Variants in ZNF462 observed in about 807,000 individuals in gnomAD.
ZNF462 encodes the protein zinc finger PBX1-interacting protein.
In ZNF462, 10 loss-of-function variants were observed where a neutral mutation model predicts 201.9. That is an observed-to-expected ratio of 0.05 (90% CI 0.03 to 0.08). The LOEUF is 0.08. ZNF462 is among the 10% of genes least tolerant of loss of function. The pLI, the probability that ZNF462 is intolerant of heterozygous loss-of-function variation, is 1.00. For missense variants in ZNF462, 2,523 were observed against 3,168.3 expected (o/e 0.80, Z 4.89); for synonymous variants, 1,227 against 1,193.3 (o/e 1.03, Z -0.58).
At chr9:106,911,407 G>A (rs1173790053) in intron 1 of ZNF462, among the ~76,000 whole-genome samples, 1 of 152,156 alleles carries the variant, frequency 6.6e-6, no homozygotes, top group Non-Finnish European at 1.5e-5. Flanking sequence ...CTCAGGGACT[G>A]TTTCATACAG....
At position 106,926,525 on chromosome 9, in the gene ZNF462, C is replaced by T; in HGVS notation, c.2613C>T (p.Phe871=). 2.5e-6 allele frequency: 4 copies of T among 1,614,126 alleles called. No homozygotes were observed. Among genetic ancestry groups the T allele is most frequent in the Non-Finnish European group, 3.4e-6 (4 of 1,180,034 alleles). The change falls in exon 3 of 13, where the codon TTC becomes TTT. Residue 871 remains phenylalanine, a synonymous_variant. Coordinates refer to ENST00000277225, the MANE Select transcript of ZNF462 (RefSeq NM_021224.6). This position sits in a 1 kb window ranked among gnomAD's most constrained non-coding sequence, Gnocchi z 7.9. ...HYQRMHPYIK[F]SFRYILDPND... ...AACGAATGCACCCATACATTAAATT[C>T]AGCTTTAGGTACATCTTGGACCCCA...
intron 1 of ZNF462, among the ~76,000 whole-genome samples, chr9:106,897,474 A>C (rs1265362833): frequency 6.6e-6 from 1 of 152,084 alleles, no homozygotes; most frequent in Non-Finnish European, 1.5e-5. Flanking sequence ...TCGATCTTTG[A>C]AGACTTACTT....
chr9:106,954,683 C>T lies in ZNF462; in HGVS notation c.6427+15576C>T, dbSNP rs796366159. On this transcript the variant is annotated intron_variant, in intron 7 of 12. Coordinates refer to ENST00000277225, the MANE Select transcript of ZNF462 (RefSeq NM_021224.6). This position sits in a 1 kb window ranked among gnomAD's most constrained non-coding sequence, Gnocchi z 4.0. ...CCCCTTTCCTTCATCTCCACATGCC[C>T]AGGTACTACCTGTCTTTCAAAGCCA... Among the ~76,000 whole-genome samples, 19 of 152,174 alleles carry T rather than the reference C, an allele frequency of 1.2e-4. 1 individual carries two copies. The highest frequency in any genetic ancestry group is 4.6e-4 in the African/African-American group (19 of 41,508).
intron 9 of ZNF462, among the ~76,000 whole-genome samples, chr9:106,979,737 A>G (rs1055322303): frequency 2.0e-5 from 3 of 147,264 alleles, no homozygotes; most frequent in Non-Finnish European, 4.4e-5. Flanking sequence ...TGGAAGCACA[A>G]TGTTTCATGC....
In ZNF462 at chr9:107,005,660, T is replaced by C. The variant is rs1829491731; in HGVS notation, c.7189+2234T>C. Among the ~76,000 whole-genome samples the C allele has an allele frequency of 6.6e-6, 1 of 152,216 alleles. No homozygotes were observed. The highest frequency in any genetic ancestry group is 2.4e-5 in the African/African-American group (1 of 41,466). On this transcript the variant is annotated intron_variant, in intron 11 of 12. Coordinates refer to ENST00000277225, the MANE Select transcript of ZNF462 (RefSeq NM_021224.6). The surrounding 1 kb of genome is among the most constrained non-coding windows in gnomAD (Gnocchi z 4.4). ...TCTATTACTGTGTTGATTGTTTCCT[T>C]GGCTGTGCAGAAGCTGTTTAGTTTG...
chr9:106,916,012 A>T (rs1033967265), intron 1 of ZNF462, among the ~76,000 whole-genome samples: 6 of 152,218 alleles, frequency 3.9e-5, no homozygotes, highest in Admixed American at 1.3e-4. Context: ...TGAGCAAATG[A>T]TGAGCATACA....
At chr9:106,901,804 G>A (rs1349792680) in intron 1 of ZNF462, among the ~76,000 whole-genome samples, 4 of 152,124 alleles carry the variant, frequency 2.6e-5, no homozygotes, top group African/African-American at 9.7e-5. Context: ...ATCAGTTCTA[G>A]GAGATTTCTG....
intron 1 of ZNF462, among the ~76,000 whole-genome samples, chr9:106,908,902 C>CGTATATACATAT (rs1564090567): frequency 1.5e-3 from 116 of 77,200 alleles, no homozygotes; most frequent in African/African-American, 7.1e-3. Context: ...AATATTTGCC[C>CGTATATACATAT]ATATATACAT....
chr9:107,008,553 C>T lies in ZNF462; in HGVS notation c.7190-992C>T, dbSNP rs116387332. ...TGTGCGATGCCCTCACTTTGCAACA[C>T]GGCTGCAGAACTGGCAAGGTCCTGC... On this transcript the variant is annotated intron_variant, in intron 11 of 12. Transcript: ENST00000277225. This position sits in a 1 kb window ranked among gnomAD's most constrained non-coding sequence, Gnocchi z 4.8. 4.2e-3 allele frequency among the ~76,000 whole-genome samples: 632 copies of T among 152,238 alleles called. 4 individuals are homozygous for T. Among genetic ancestry groups the T allele is most frequent in the African/African-American group, 0.014 (595 of 41,536 alleles).
chr9:106,926,607 G>C lies in ZNF462; in HGVS notation c.2695G>C (p.Glu899Gln), dbSNP rs762772920. The C allele has an allele frequency of 7.4e-6, 12 of 1,613,894 alleles. No homozygotes were observed. In the South Asian group the frequency reaches 1.3e-4, roughly 18 times the overall value. ...LECYIDYTNFEDLQQHYGEHH... is the reference protein window; with the variant it reads ...LECYIDYTNFQDLQQHYGEHH... ...ATGCTACATCGATTACACCAACTTC[G>C]AAGATCTCCAGCAGCATTATGGCGA... The change falls in exon 3 of 13, where the codon GAA becomes CAA. Residue 899 changes from glutamate to glutamine, a missense_variant. Glu to Gln is a conservative substitution (Grantham distance 29). Transcript: ENST00000277225. The surrounding 1 kb of genome is among the most constrained non-coding windows in gnomAD (Gnocchi z 7.9).
chr9:106,904,554 C>T (rs912836829), intron 1 of ZNF462, among the ~76,000 whole-genome samples: 12 of 152,192 alleles, frequency 7.9e-5, no homozygotes, highest in African/African-American at 2.9e-4. Flanking sequence ...TCTTCTTCCT[C>T]AGGTACACTG....
At chr9:106,931,031 G>A (rs907924152) in intron 4 of ZNF462, 13 of 229,720 alleles carry the variant, frequency 5.7e-5, no homozygotes, top group African/African-American at 2.9e-4. Flanking sequence ...CTCTTGAGAG[G>A]AATCAAGTGG....
chr9:106,917,319 C>T lies in ZNF462; in HGVS notation c.-30-6035C>T, dbSNP rs773083435. Among the ~76,000 whole-genome samples, 1 of 152,098 alleles carries T rather than the reference C, an allele frequency of 6.6e-6. No homozygotes were observed. The highest frequency in any genetic ancestry group is 2.1e-4 in the South Asian group (1 of 4,826). Reference sequence around the variant, plus strand: ...TACTTGAAAACTTTATGCAGGAGAGCGATCCTAAAATAAAAAGTAACCTGA... The same window carrying T: ...TACTTGAAAACTTTATGCAGGAGAGTGATCCTAAAATAAAAAGTAACCTGA... On this transcript the variant is annotated intron_variant, in intron 1 of 12. Coordinates refer to ENST00000277225, the MANE Select transcript of ZNF462 (RefSeq NM_021224.6). The surrounding 1 kb of genome is among the most constrained non-coding windows in gnomAD (Gnocchi z 4.5).
Position 106,923,565 on chromosome 9 carries a change from C to T in ZNF462, c.182C>T (p.Ser61Phe), listed in dbSNP as rs921288829. ...AATCAGACAGAGGTGGAGTTTTCTT[C>T]TATAAAGGATGAATTTGCCATTGCA... is the stretch of plus-strand genomic sequence containing the variant. ...ASNQTEVEFS[S>F]IKDEFAIAED... Residue 61 changes from serine (S) to phenylalanine (F), a missense_variant, in exon 2 of 13, where the codon TCT becomes TTT. By Grantham distance (155) the Ser-to-Phe change is radical. Transcript: ENST00000277225. This position sits in a 1 kb window ranked among gnomAD's most constrained non-coding sequence, Gnocchi z 5.6. The T allele has an allele frequency of 1.9e-6, 3 of 1,614,070 alleles. No homozygotes were observed. The highest frequency in any genetic ancestry group is 2.7e-5 in the African/African-American group (2 of 74,916).
intron 1 of ZNF462, among the ~76,000 whole-genome samples, chr9:106,903,495 T>C (rs1303624400): frequency 1.3e-5 from 2 of 152,200 alleles, no homozygotes; most frequent in African/African-American, 4.8e-5. Context: ...ACTTCCTATC[T>C]TGATGACCTG....
chr9:106,877,296 ATTTTTT>A (rs397893311), intron 1 of ZNF462, among the ~76,000 whole-genome samples: 4 of 91,216 alleles, frequency 4.4e-5, no homozygotes, highest in South Asian at 7.8e-4. Flanking sequence ...ACTACTCATG[ATTTTTT>A]TTTTTTTTTT....
chr9:106,928,575 T>C lies in ZNF462; in HGVS notation c.4663T>C (p.Ser1555Pro), dbSNP rs748559993. The change falls in exon 3 of 13, where the codon TCT (serine) becomes CCT (proline). Residue 1555 changes from serine (S) to proline (P), a missense_variant. This residue lies in a region of ZNF462 where 200 missense variants were observed against 281.3 expected (regional missense o/e 0.71). Coordinates refer to ENST00000277225, the MANE Select transcript of ZNF462 (RefSeq NM_021224.6). This position sits in a 1 kb window ranked among gnomAD's most constrained non-coding sequence, Gnocchi z 9.3. ...GGACTTTGTGCACGACGTAGAGCAG[T>C]CTGCTGACATATCCCAGAATGACGT... ...AEDFVHDVEQ[S>P]ADISQNDVEE... The C allele has an allele frequency of 6.2e-7, 1 of 1,614,070 alleles. No individual in the cohort carries two copies. Among genetic ancestry groups the C allele is most frequent in the Admixed American group, 1.7e-5 (1 of 60,006 alleles).
intron 9 of ZNF462, among the ~76,000 whole-genome samples, chr9:106,976,867 A>T (rs1274749496): frequency 6.6e-6 from 1 of 152,194 alleles, no homozygotes; most frequent in East Asian, 1.9e-4. Flanking sequence ...AAAGGCTAAC[A>T]ACTTGACGAA....
rs117751496 is a variant in ZNF462 at position 106,885,035 on chromosome 9, A to T, written c.-31+21680A>T. On this transcript the variant is annotated intron_variant, in intron 1 of 12. Transcript: ENST00000277225. The surrounding 1 kb of genome is among the most constrained non-coding windows in gnomAD (Gnocchi z 4.1). ...AGAGGTTAAGATTCTGCTTCAAAGC[A>T]ATGTATGTGTTCAACATAACCTTTC... Among the ~76,000 whole-genome samples the T allele has an allele frequency of 8.7e-3, 1,324 of 152,346 alleles. 5 individuals carry two copies. The highest frequency in any genetic ancestry group is 0.011 in the Non-Finnish European group (745 of 68,032).
Sources: gnomAD v4.1 joint callset for allele counts (sites outside exome capture counted in the v4.1 genomes callset) on GRCh38, gnomAD v4.1.1 for gene constraint, gnomAD v4.1.1 regional missense constraint, Gnocchi (gnomAD v3.1) non-coding constraint, MANE v1.5 for transcripts, NCBI Gene and HGNC (gene_info 2026-07-23, HGNC 2026-07-21) for gene names.